EIF2S3: variants seen among roughly 807,000 people sequenced by gnomAD.
EIF2S3 encodes the protein eukaryotic translation initiation factor 2 subunit 3.
EIF2S3 carries 2 observed loss-of-function variants against 31.7 expected under a neutral mutation model. That is an observed-to-expected ratio of 0.06 (90% confidence interval 0.03 to 0.20). The LOEUF is 0.20. EIF2S3 is among the 10% of genes least tolerant of loss of function. EIF2S3 has a pLI of 1.00. For synonymous variants in EIF2S3, 120 were observed against 126.7 expected, an observed-to-expected ratio of 0.95 and a Z score of 0.36; for missense variants, 96 against 359.3, an observed-to-expected ratio of 0.27 and a Z score of 5.92.
intron 11 of EIF2S3, among the ~76,000 whole-genome samples, chrX:24,074,905 G>A (rs1207801316): frequency 2.8e-5 from 2 of 72,275 alleles, no homozygotes; most frequent in Non-Finnish European, 4.8e-5. Flanking sequence ...TTGCTTTGTC[G>A]CCGGGGTAGA....
chrX:24,077,081 GTTTTA>G lies in EIF2S3; in HGVS notation c.*301_*305del, dbSNP rs905941576. 3.3e-5 allele frequency: 6 copies of G among 182,989 alleles called. No homozygotes were observed. Among genetic ancestry groups the G allele is most frequent in the Non-Finnish European group, 4.9e-5 (5 of 101,955 alleles). The allele number at this position is 182,989 out of a possible 1,213,427, so 15.1% of individuals were successfully genotyped here. On this transcript the variant is annotated 3_prime_UTR_variant, in exon 12 of 12. Coordinates refer to ENST00000253039, the MANE Select transcript of EIF2S3 (RefSeq NM_001415.4). Reference sequence around the variant, plus strand: ...ATCATGCAGTTCTGTTTTTTTGTTTGTTTTATTTTGTTTTGTTTTTGAGTCTGGCT... The same window carrying G: ...ATCATGCAGTTCTGTTTTTTTGTTTGTTTTGTTTTGTTTTTGAGTCTGGCT...
intron 9 of EIF2S3, among the ~76,000 whole-genome samples, chrX:24,071,206 T>C (rs932516159): frequency 1.8e-5 from 2 of 109,316 alleles, no homozygotes; most frequent in African/African-American, 6.7e-5. Context: ...TTTTTTTTTT[T>C]TGGAGACAGA....
intron 6 of EIF2S3, among the ~76,000 whole-genome samples, chrX:24,063,936 A>G (rs1930532394): frequency 8.9e-6 from 1 of 112,006 alleles, no homozygotes; most frequent in African/African-American, 3.2e-5. Flanking sequence ...AAATAAGTTT[A>G]TCATTGTACT....
rs919176376 is a variant in EIF2S3, at chrX:24,073,117, G to A, written c.1209G>A (p.Val403=). The A allele has an allele frequency of 1.7e-6, 2 of 1,208,682 alleles. No homozygotes were observed. Among genetic ancestry groups the A allele is most frequent in the Middle Eastern group, 2.3e-4 (1 of 4,370 alleles). ...AKVQKLSKNE[V]LMVNIGSLST... is the part of the protein sequence containing the mutation. The stretch of plus-strand genomic sequence containing the variant: ...TTCAAAAGCTGTCTAAGAATGAAGT[G>A]CTCATGGTGAACATAGGATCCCTGT... Residue 403 remains valine (V), a synonymous_variant, in exon 11 of 12, where the codon GTG becomes GTA. Coordinates refer to ENST00000253039, the MANE Select transcript of EIF2S3 (RefSeq NM_001415.4).
intron 5 of EIF2S3, among the ~76,000 whole-genome samples, chrX:24,062,105 G>A (rs1738745649): frequency 9.0e-6 from 1 of 110,807 alleles, no homozygotes; most frequent in African/African-American, 3.3e-5. Context: ...GGGAGTGGGT[G>A]GCAAAAGAGA....
chrX:24,074,328 C>T (rs760778742), intron 11 of EIF2S3, among the ~76,000 whole-genome samples: 6 of 112,125 alleles, frequency 5.4e-5, no homozygotes, highest in Non-Finnish European at 9.4e-5. Context: ...AACTTAAATA[C>T]ACCGTGAAGT....
At chrX:24,060,477 T>G (rs927151631) in intron 5 of EIF2S3, 113 of 328,472 alleles carry the variant, frequency 3.4e-4, no homozygotes, top group Non-Finnish European at 7.0e-5. Flanking sequence ...TATTTAGTTT[T>G]AAATGTATGT....
intron 6 of EIF2S3, among the ~76,000 whole-genome samples, chrX:24,063,257 A>G (rs1930520253): frequency 8.9e-6 from 1 of 111,805 alleles, no homozygotes; most frequent in East Asian, 2.8e-4. Flanking sequence ...TAAATAAATA[A>G]TAAATCTCTA....
At position 24,072,175 on chromosome X, in the gene EIF2S3, G is replaced by A. The variant is rs745837855; in HGVS notation, c.1182+448G>A. Among the ~76,000 whole-genome samples, 6 of 111,564 alleles carry A rather than the reference G, an allele frequency of 5.4e-5. No homozygotes were observed. In the South Asian group the frequency reaches 1.5e-3, roughly 28 times the overall value. On this transcript the variant is annotated intron_variant, in intron 10 of 11. Transcript: ENST00000253039. ...ATTACAGGCATGAGCCACTGCGTCC[G>A]GCCAAAATTGAGAACTATATGGCAG...
At chrX:24,056,122 A>G (rs1930400233) in intron 2 of EIF2S3, among the ~76,000 whole-genome samples, 1 of 111,987 alleles carries the variant, frequency 8.9e-6, no homozygotes, top group Non-Finnish European at 1.9e-5. Context: ...AATTTTGGAC[A>G]TTTTGAGTTT....
At chrX:24,074,914 G>A (rs1304726068) in intron 11 of EIF2S3, among the ~76,000 whole-genome samples, 34 of 81,386 alleles carry the variant, frequency 4.2e-4, no homozygotes, top group African/African-American at 1.4e-3. Flanking sequence ...CGCCGGGGTA[G>A]AATGCAGTGG....
chrX:24,055,609 T>C lies in EIF2S3; in HGVS notation c.70-6T>C, dbSNP rs905176810. 10 of 1,207,796 alleles carry C rather than the reference T, an allele frequency of 8.3e-6. No individual in the cohort carries two copies. Among genetic ancestry groups the C allele is most frequent in the Non-Finnish European group, 1.1e-5 (10 of 893,158 alleles). On this transcript the variant is annotated splice_region_variant and splice_polypyrimidine_tract_variant and intron_variant, in intron 1 of 11. Transcript: ENST00000253039. ...GTGCAGTGTTTTAAAATATATTTCA[T>C]TGCAGGATGTTACCAAGTTGACGCC...
At chrX:24,068,169 A>T in intron 9 of EIF2S3, 61 bp downstream of exon 9, 2 of 1,053,653 alleles carry the variant, frequency 1.9e-6, no homozygotes, top group South Asian at 2.5e-5. Flanking sequence ...TTCATGGGGG[A>T]TGGATTACCA....
At chrX:24,073,439 TC>T (rs1930702022) in intron 11 of EIF2S3, 176 bp downstream of exon 11, 7 of 542,488 alleles carry the variant, frequency 1.3e-5, no homozygotes, top group Non-Finnish European at 1.7e-5. Flanking sequence ...ACGCCTGTAA[TC>T]CCAGCACTTT....
chrX:24,072,980 AT>A (rs971967941), intron 10 of EIF2S3, 110 bp from the exon 11 acceptor site: 10 of 870,474 alleles, frequency 1.1e-5, no homozygotes, highest in Admixed American at 3.5e-5. Context: ...TTTCTATAGA[AT>A]TTTTTTTATG....
chrX:24,063,493 T>C (rs986510941), intron 6 of EIF2S3, among the ~76,000 whole-genome samples: 1 of 111,565 alleles, frequency 9.0e-6, no homozygotes, highest in African/African-American at 3.3e-5. Flanking sequence ...GTAGCAAATA[T>C]ATATGGTTGG....
Position 24,075,360 on chromosome X carries a change from C to G in EIF2S3, c.1356-1362C>G, listed in dbSNP as rs143740220. On this transcript the variant is annotated intron_variant, in intron 11 of 11. Coordinates refer to ENST00000253039, the MANE Select transcript of EIF2S3 (RefSeq NM_001415.4). ...TGAGAGCATAGAGCCAGGAAGCATA[C>G]ACACATTTTTGGCTCCTGACTTTTT... 7.0e-4 allele frequency among the ~76,000 whole-genome samples: 77 copies of G among 110,702 alleles called. 2 individuals carry two copies. The East Asian group carries it at 0.016, about 23-fold the overall frequency.
intron 7 of EIF2S3, among the ~76,000 whole-genome samples, chrX:24,065,742 AC>A (rs1415931223): frequency 8.9e-6 from 1 of 112,186 alleles, no homozygotes; most frequent in South Asian, 3.7e-4. Flanking sequence ...TATAGCTCTA[AC>A]ATTGTTAATA....
At chrX:24,061,756 A>G (rs1930496866) in intron 5 of EIF2S3, among the ~76,000 whole-genome samples, 1 of 111,031 alleles carries the variant, frequency 9.0e-6, no homozygotes, top group African/African-American at 3.3e-5. Flanking sequence ...ATTAGTAAAA[A>G]TTCATAGACA....
Sources: allele counts gnomAD v4.1 joint callset (sites outside exome capture counted in the v4.1 genomes callset), GRCh38; gene constraint gnomAD v4.1.1; transcripts MANE v1.5; gene names NCBI Gene and HGNC (gene_info 2026-07-23, HGNC 2026-07-21).